The following STK11 variants were observed in gnomAD, a reference collection of about 807,000 sequenced individuals.
The protein encoded by STK11 is serine/threonine kinase 11.
Under a neutral mutation model 47.3 loss-of-function variants are expected in STK11, and 8 were observed. That is an observed-to-expected ratio of 0.17 (90% CI 0.10 to 0.31). The LOEUF (loss-of-function observed/expected upper bound fraction) is 0.31, where lower values mean the gene tolerates loss of function less well. Among genes scored for constraint, STK11 ranks in the 10% least tolerant of loss-of-function variants. STK11 has a pLI of 1.00. For missense variants in STK11, 475 were observed against 605.0 expected, an observed-to-expected ratio of 0.79 and a Z score of 2.25; for synonymous variants, 330 against 255.8, an observed-to-expected ratio of 1.29 and a Z score of -2.77.
intron 1 of STK11, among the ~76,000 whole-genome samples, chr19:1,214,174 C>CT (rs1222654052): frequency 6.6e-6 from 1 of 152,166 alleles, no homozygotes; most frequent in Non-Finnish European, 1.5e-5. Flanking sequence ...CTCTTCTGCT[C>CT]TTTTTCTGGC....
In STK11 at chr19:1,210,916, A is replaced by G. The variant is rs2080705669; in HGVS notation, c.290+3713A>G. ...GGTGGCTCACGCCTGTAATCCCAGC[A>G]CTTTGGGAGGCCGAGGCGGTTTGAT... On this transcript the variant is annotated intron_variant, in intron 1 of 9. Transcript: ENST00000326873. 1.3e-5 allele frequency among the ~76,000 whole-genome samples: 2 copies of G among 152,092 alleles called. 1 individual carries two copies. Among genetic ancestry groups the G allele is most frequent in the Admixed American group, 1.3e-4 (2 of 15,270 alleles).
chr19:1,213,155 C>T (rs1599921073), intron 1 of STK11, among the ~76,000 whole-genome samples: 1 of 151,450 alleles, frequency 6.6e-6, no homozygotes, highest in Middle Eastern at 3.4e-3. Context: ...TGCCACCATG[C>T]CCGGCTAATT....
chr19:1,207,814 G>T (rs537163345), intron 1 of STK11, among the ~76,000 whole-genome samples: 1 of 152,338 alleles, frequency 6.6e-6, no homozygotes, highest in South Asian at 2.1e-4. Context: ...GCCCGAGGGG[G>T]ACTGTGCCTC....
Position 1,207,038 on chromosome 19 carries a change from G to T in STK11, c.125G>T (p.Arg42Leu), listed in dbSNP as rs148830698. The T allele has an allele frequency of 9.3e-6, 15 of 1,613,830 alleles. No individual in the cohort carries two copies. The East Asian group carries it at 3.3e-4, about 36-fold the overall frequency. ...GTCATCTACCAGCCGCGCCGCAAGC[G>T]GGCCAAGCTCATCGGCAAGTACCTG... ...TEVIYQPRRK[R>L]AKLIGKYLMG... The change falls in exon 1 of 10, where the codon CGG becomes CTG. Residue 42 changes from arginine to leucine, a missense_variant. Coordinates refer to ENST00000326873, the MANE Select transcript of STK11 (RefSeq NM_000455.5).
At chr19:1,216,566 G>A (rs1280894705) in intron 1 of STK11, among the ~76,000 whole-genome samples, 4 of 150,004 alleles carry the variant, frequency 2.7e-5, no homozygotes, top group Non-Finnish European at 5.9e-5. Flanking sequence ...GCGACAGAGT[G>A]AGACTCCGTC....
chr19:1,227,430 C>G (rs1295000355), intron 9 of STK11, 163 bp from the exon 10 acceptor site: 1 of 685,692 alleles, frequency 1.5e-6, no homozygotes, highest in African/African-American at 1.9e-5. Flanking sequence ...ACAATGTACC[C>G]CGGGAGTGAC....
chr19:1,214,631 G>A (rs1473982726), intron 1 of STK11, among the ~76,000 whole-genome samples: 1 of 152,162 alleles, frequency 6.6e-6, no homozygotes, highest in Non-Finnish European at 1.5e-5. Context: ...GCAGCCTCCC[G>A]AGCGGCCCCC....
At position 1,206,780 on chromosome 19, in the gene STK11, T is replaced by G; in HGVS notation, c.-134T>G. 3.2e-5 allele frequency: 36 copies of G among 1,123,974 alleles called. No individual in the cohort carries two copies. Among genetic ancestry groups the G allele is most frequent in the Non-Finnish European group, 4.0e-5 (33 of 815,414 alleles). 69.6% of individuals were successfully genotyped at this position (1,123,974 alleles called of 1,614,324 possible). ...TTGGAAGAAGGGTTTTTCCCTTCCT[T>G]TTGGGGTTTTTGTTGCCTTTTTTTT... On this transcript the variant is annotated 5_prime_UTR_variant, in exon 1 of 10. Transcript: ENST00000326873.
intron 3 of STK11, 49 bp downstream of exon 3, chr19:1,219,462 G>A (rs1568706079): frequency 2.0e-6 from 3 of 1,534,196 alleles, no homozygotes; most frequent in Admixed American, 2.0e-5. Flanking sequence ...CGGGGGCCAG[G>A]CAGGGCAGGC....
Position 1,223,803 on chromosome 19 carries a change from C to T in STK11, c.1108+631C>T, listed in dbSNP as rs561378948. On this transcript the variant is annotated intron_variant, in intron 8 of 9. Coordinates refer to ENST00000326873, the MANE Select transcript of STK11 (RefSeq NM_000455.5). The stretch of plus-strand genomic sequence containing the variant: ...GGCGGCCCACATTGGCAGCCAGCCC[C>T]TCCCCGCCATGCTCCCGGCTTGGCT... 39 of 1,034,484 alleles carry T rather than the reference C, an allele frequency of 3.8e-5. No homozygotes were observed. In the African/African-American group the frequency reaches 6.2e-4, roughly 17 times the overall value. The allele number at this position is 1,034,484 out of a possible 1,614,324, so 64.1% of individuals were successfully genotyped here.
intron 1 of STK11, among the ~76,000 whole-genome samples, 169 bp from the exon 2 acceptor site, chr19:1,218,248 C>CG (rs2080757139): frequency 6.6e-6 from 1 of 152,236 alleles, no homozygotes; most frequent in African/African-American, 2.4e-5. Context: ...AGCCTGGACG[C>CG]GTGGCCCCTG....
chr19:1,209,583 AAAATAAAT>A (rs35010183), intron 1 of STK11, among the ~76,000 whole-genome samples: 2,922 of 147,270 alleles, frequency 0.02, 28 homozygotes, highest in Middle Eastern at 0.027. Flanking sequence ...CTCTGTCTCA[AAAATAAAT>A]AAATAAATAA....
Position 1,227,641 on chromosome 19 carries a change from C to G in STK11, c.*65C>G. On this transcript the variant is annotated 3_prime_UTR_variant, in exon 10 of 10. Transcript: ENST00000326873. ...GTGCCCGCGCCAGGCCCTCAGTCTT[C>G]CTGCCGGTTCCGCCCGCCCTCCCGG... is the stretch of plus-strand genomic sequence containing the variant. 1 of 1,067,554 alleles carries G rather than the reference C, an allele frequency of 9.4e-7. No homozygotes were observed. Among genetic ancestry groups the G allele is most frequent in the Non-Finnish European group, 1.1e-6 (1 of 880,744 alleles). The allele number at this position is 1,067,554 out of a possible 1,614,324, so 66.1% of individuals were successfully genotyped here. A position where few individuals can be genotyped will look rare whatever the true frequency, so the allele number is the denominator to read the frequency against.
rs2080824811 is a variant in STK11 at position 1,226,657 on chromosome 19, C to G, written c.*10C>G. 6.6e-7 allele frequency: 1 copy of G among 1,511,778 alleles called. No homozygotes were observed. Among genetic ancestry groups the G allele is most frequent in the Non-Finnish European group, 8.8e-7 (1 of 1,132,314 alleles). 93.6% of individuals were successfully genotyped at this position (1,511,778 alleles called of 1,614,324 possible). On this transcript the variant is annotated 3_prime_UTR_variant, in exon 9 of 10. Transcript: ENST00000326873. Reference sequence around the variant, plus strand: ...CTGCAAGCAGCAGTGAGGCTGGCCGCCTGCAGGTGGGGCGCGGCGGGGCCC... The same window carrying G: ...CTGCAAGCAGCAGTGAGGCTGGCCGGCTGCAGGTGGGGCGCGGCGGGGCCC...
intron 9 of STK11, chr19:1,227,098 AGGCTCTGAGCCAGCT>A: frequency 5.5e-6 from 1 of 181,986 alleles, no homozygotes; most frequent in Non-Finnish European, 1.2e-5. Context: ...GGGGTGCCGC[AGGCTCTGAGCCAGCT>A]GCCAAGTATG....
rs1425093220 is a variant in STK11, at chr19:1,206,039, G to C, written c.-875G>C. 2 of 145,914 alleles carry C rather than the reference G, an allele frequency of 1.4e-5. No individual in the cohort carries two copies. The highest frequency in any genetic ancestry group is 4.9e-5 in the African/African-American group (2 of 40,660). 9.0% of individuals were successfully genotyped at this position (145,914 alleles called of 1,614,324 possible). ...CGGCCTGCGCCGCCTCGGCCGCCGG[G>C]AGCCCCGTGGAGCCCCCGCCGCCGC... On this transcript the variant is annotated 5_prime_UTR_variant, in exon 1 of 10. Coordinates refer to ENST00000326873, the MANE Select transcript of STK11 (RefSeq NM_000455.5).
intron 1 of STK11, among the ~76,000 whole-genome samples, chr19:1,211,464 G>C (rs549961964): frequency 9.9e-5 from 15 of 151,854 alleles, no homozygotes; most frequent in East Asian, 5.8e-4. Flanking sequence ...GGGTTCTGGG[G>C]GGGGGGGTGC....
chr19:1,211,775 C>CAGGAGGT, intron 1 of STK11, among the ~76,000 whole-genome samples: 1 of 152,378 alleles, frequency 6.6e-6, no homozygotes, highest in South Asian at 2.1e-4. Context: ...GGTGTCCAGC[C>CAGGAGGT]AGGAGGTGGG....
intron 1 of STK11, among the ~76,000 whole-genome samples, chr19:1,207,918 G>A (rs1013743542): frequency 6.6e-6 from 1 of 152,212 alleles, no homozygotes; most frequent in Admixed American, 6.5e-5. Flanking sequence ...CTGCATCTGT[G>A]CGCGGAGAAG....
Sources: gnomAD v4.1 joint callset for allele counts (sites outside exome capture counted in the v4.1 genomes callset) on GRCh38, gnomAD v4.1.1 for gene constraint, MANE v1.5 for transcripts, NCBI Gene and HGNC (gene_info 2026-07-23, HGNC 2026-07-21) for gene names.